SATB2: variants seen among roughly 807,000 people sequenced by gnomAD.
SATB2 encodes DNA-binding protein SATB2.
SATB2 carries 1 observed loss-of-function variant against 73.4 expected under a neutral mutation model. The observed-to-expected ratio is 0.01, with a 90% CI of 0.00 to 0.06. The LOEUF is 0.06. SATB2 is among the 10% of genes least tolerant of loss of function. The probability of loss-of-function intolerance (pLI) is 1.00; values close to 1 mark genes in which losing one functional copy is unlikely to be tolerated. For missense variants in SATB2, 459 were observed against 945.8 expected (o/e 0.49, Z 6.75); for synonymous variants, 397 against 367.0 (o/e 1.08, Z -0.93).
chr2:199,452,981 A>G (rs576568249), intron 2 of SATB2, among the ~76,000 whole-genome samples: 1 of 152,254 alleles, frequency 6.6e-6, no homozygotes, highest in East Asian at 1.9e-4. Context: ...GTCCCCTGTT[A>G]AAACACAACC....
intron 6 of SATB2, among the ~76,000 whole-genome samples, chr2:199,349,766 C>A (rs895404879): frequency 6.6e-6 from 1 of 152,034 alleles, no homozygotes; most frequent in African/African-American, 2.4e-5. Flanking sequence ...TTGTGCTATG[C>A]ACTCAGATAA....
chr2:199,418,623 A>T (rs1691070474), intron 3 of SATB2, among the ~76,000 whole-genome samples: 1 of 152,206 alleles, frequency 6.6e-6, no homozygotes. Flanking sequence ...ATTTTTGAAC[A>T]ATTCGATTTG....
intron 7 of SATB2, among the ~76,000 whole-genome samples, chr2:199,343,824 G>T (rs1007072997): frequency 6.6e-6 from 1 of 152,114 alleles, no homozygotes; most frequent in Admixed American, 6.6e-5. Flanking sequence ...TTCTTTCTAG[G>T]TGTAGCCATC....
chr2:199,325,365 T>C (rs1281589940), intron 8 of SATB2: 1 of 152,212 alleles, frequency 6.6e-6, no homozygotes, highest in East Asian at 1.9e-4. Context: ...CAGCAGCCAG[T>C]GAAGGAACCA....
At chr2:199,389,616 C>T (rs139214962) in intron 3 of SATB2, among the ~76,000 whole-genome samples, 32 of 152,248 alleles carry the variant, frequency 2.1e-4, no homozygotes, top group Middle Eastern at 3.4e-3. Flanking sequence ...AGCACACACA[C>T]ACACAATGCA....
intron 7 of SATB2, among the ~76,000 whole-genome samples, chr2:199,329,732 C>A (rs1023213742): frequency 1.3e-5 from 2 of 152,158 alleles, no homozygotes; most frequent in Non-Finnish European, 2.9e-5. Flanking sequence ...TCAGGGTTTT[C>A]ATGTGCTCTG....
Position 199,270,414 on chromosome 2 carries a change from T to G in SATB2, c.*1797A>C, listed in dbSNP as rs1396013336. On this transcript the variant is annotated 3_prime_UTR_variant, in exon 11 of 11. Coordinates refer to ENST00000417098, the MANE Select transcript of SATB2 (RefSeq NM_001172509.2). Reference sequence around the variant, plus strand: ...TACCTTTCAAATATATAAATAGTATTAACAGTTATATTACAATGTTTGTGT... The same window carrying G: ...TACCTTTCAAATATATAAATAGTATGAACAGTTATATTACAATGTTTGTGT... The G allele has an allele frequency of 1.3e-5, 2 of 151,526 alleles. No homozygotes were observed. The highest frequency in any genetic ancestry group is 2.9e-5 in the Non-Finnish European group (2 of 67,902). 9.4% of individuals were successfully genotyped at this position (151,526 alleles called of 1,614,324 possible).
chr2:199,284,627 A>G (rs1692630798), intron 10 of SATB2, among the ~76,000 whole-genome samples: 2 of 152,198 alleles, frequency 1.3e-5, no homozygotes, highest in African/African-American at 4.8e-5. Context: ...AATATTTGCA[A>G]AAGTATATAA....
At chr2:199,460,535 G>A (rs139100646), upstream of SATB2, 20 of 152,388 alleles carry the variant, frequency 1.3e-4, no homozygotes, top group Admixed American at 4.6e-4. This position sits in a 1 kb window ranked among gnomAD's most constrained non-coding sequence, Gnocchi z 4.0. Context: ...CAGTACTTCT[G>A]GAAAAAAATG....
At position 199,390,238 on chromosome 2, in the gene SATB2, G is replaced by A. The variant is rs567383791; in HGVS notation, c.347-8418C>T. 1.4e-3 allele frequency among the ~76,000 whole-genome samples: 215 copies of A among 152,214 alleles called. 1 individual carries two copies. Among genetic ancestry groups the A allele is most frequent in the African/African-American group, 5.1e-3 (211 of 41,564 alleles). On this transcript the variant is annotated intron_variant, in intron 3 of 10. Coordinates refer to ENST00000417098, the MANE Select transcript of SATB2 (RefSeq NM_001172509.2). ...TATTGGTCAGGATATGAAAAAAAAT[G>A]TGGTTGGTGTTTAGTTATTTATTTC... is the stretch of plus-strand genomic sequence containing the variant.
At chr2:199,395,761 T>A (rs1690281672) in intron 3 of SATB2, 1 of 152,220 alleles carries the variant, frequency 6.6e-6, no homozygotes, top group South Asian at 2.1e-4. Flanking sequence ...GCCCTTGCTA[T>A]CAAATTACTT....
intron 5 of SATB2, among the ~76,000 whole-genome samples, chr2:199,377,399 CAAAA>C (rs772702291): frequency 3.2e-4 from 48 of 152,010 alleles, no homozygotes; most frequent in Non-Finnish European, 6.5e-4. Context: ...AACAAACAAA[CAAAA>C]AACAACAAAA....
intron 3 of SATB2, among the ~76,000 whole-genome samples, chr2:199,420,379 T>C (rs576377404): frequency 2.0e-5 from 3 of 152,182 alleles, no homozygotes; most frequent in Non-Finnish European, 4.4e-5. Flanking sequence ...CATAAGAATC[T>C]AGTGAGACTA....
intron 3 of SATB2, among the ~76,000 whole-genome samples, chr2:199,400,616 A>G (rs1201800210): frequency 6.6e-6 from 1 of 152,244 alleles, no homozygotes; most frequent in Non-Finnish European, 1.5e-5. Context: ...AATGATTATA[A>G]TATCATGAAT....
chr2:199,352,353 T>C (rs933030590), intron 6 of SATB2, among the ~76,000 whole-genome samples: 8 of 152,244 alleles, frequency 5.3e-5, no homozygotes, highest in African/African-American at 1.7e-4. Flanking sequence ...ACCTCATTCA[T>C]AGACCTAGTC....
chr2:199,354,502 G>A (rs573765591), intron 6 of SATB2, among the ~76,000 whole-genome samples: 71 of 152,268 alleles, frequency 4.7e-4, no homozygotes, highest in Non-Finnish European at 9.7e-4. Context: ...AAGGAATGAT[G>A]TCCCCAGTTT....
intron 7 of SATB2, among the ~76,000 whole-genome samples, chr2:199,329,651 G>A (rs1688132527): frequency 2.0e-5 from 3 of 152,074 alleles, no homozygotes; most frequent in Admixed American, 1.3e-4. Flanking sequence ...CAGTGTGCAC[G>A]GAATGCCATG....
At chr2:199,310,181 G>A (rs1687557780) in intron 9 of SATB2, among the ~76,000 whole-genome samples, 1 of 152,122 alleles carries the variant, frequency 6.6e-6, no homozygotes, top group African/African-American at 2.4e-5. Flanking sequence ...AAAAACCCAG[G>A]CCCATCTGCA....
intron 2 of SATB2, among the ~76,000 whole-genome samples, chr2:199,448,103 A>G (rs565365060): frequency 4.4e-4 from 67 of 152,328 alleles, no homozygotes; most frequent in Non-Finnish European, 8.1e-4. Flanking sequence ...GACAAAAGAA[A>G]GTTCTTGTTC....
Sources: gnomAD v4.1 joint callset for allele counts (sites outside exome capture counted in the v4.1 genomes callset) on GRCh38, gnomAD v4.1.1 for gene constraint, Gnocchi (gnomAD v3.1) non-coding constraint, MANE v1.5 for transcripts, NCBI Gene and HGNC (gene_info 2026-07-23, HGNC 2026-07-21) for gene names.